The following CLASP1 variants were observed in gnomAD, a reference collection of about 807,000 sequenced individuals.
CLASP1 encodes the protein cytoplasmic linker associated protein 1, also known as CLIP-associating protein 1.
CLASP1 carries 38 observed loss-of-function variants against 192.3 expected under a neutral mutation model. That is an observed-to-expected ratio of 0.20 (90% CI 0.15 to 0.26). CLASP1 has a LOEUF of 0.26. CLASP1 is among the 10% of genes least tolerant of loss of function. The probability of loss-of-function intolerance (pLI) is 1.00; values close to 1 mark genes in which losing one functional copy is unlikely to be tolerated. For synonymous variants in CLASP1, 691 were observed against 712.8 expected (o/e 0.97, Z 0.49); for missense variants, 1,433 against 1,932.5 (o/e 0.74, Z 4.85).
intron 2 of CLASP1, among the ~76,000 whole-genome samples, chr2:121,604,714 A>G (rs1331142059): frequency 2.0e-5 from 3 of 152,230 alleles, no homozygotes; most frequent in Non-Finnish European, 4.4e-5. Context: ...ATATCCAGTG[A>G]TAAGTGAAAT....
intron 25 of CLASP1, among the ~76,000 whole-genome samples, chr2:121,405,279 A>C (rs1055119305): frequency 3.9e-5 from 6 of 152,264 alleles, no homozygotes; most frequent in African/African-American, 1.2e-4. Flanking sequence ...ATTGCACTTC[A>C]GCCTGGGCAA....
chr2:121,415,432 A>C (rs948348116), intron 23 of CLASP1, among the ~76,000 whole-genome samples: 2 of 152,240 alleles, frequency 1.3e-5, no homozygotes, highest in African/African-American at 2.4e-5. Flanking sequence ...TCAAATTTAC[A>C]ATCTGACATT....
chr2:121,547,844 C>T (rs188515602), intron 2 of CLASP1, among the ~76,000 whole-genome samples: 12 of 152,276 alleles, frequency 7.9e-5, no homozygotes, highest in African/African-American at 2.6e-4. Context: ...GTACCACCCT[C>T]TGAAACCAAA....
rs552390074 is a variant in CLASP1 at position 121,615,197 on chromosome 2, G to A, written c.-285-9017C>T. Among the ~76,000 whole-genome samples, 6 of 152,182 alleles carry A rather than the reference G, an allele frequency of 3.9e-5. No individual in the cohort carries two copies. The South Asian group carries it at 6.2e-4, about 16-fold the overall frequency. On this transcript the variant is annotated intron_variant, in intron 1 of 39. Coordinates refer to ENST00000263710, the Ensembl canonical transcript of CLASP1. ...TCTACTAAAAATACAAAAATTAGCCGGGCATAGGGCGCACGCCTGTAATCC... is the reference window on the plus strand; with the variant it reads ...TCTACTAAAAATACAAAAATTAGCCAGGCATAGGGCGCACGCCTGTAATCC...
At chr2:121,402,747 T>C (rs887709761) in intron 26 of CLASP1, 3 of 467,758 alleles carry the variant, frequency 6.4e-6, no homozygotes, top group Admixed American at 2.3e-5. Context: ...AATCTAATTA[T>C]GCTTATGAGT....
At position 121,461,228 on chromosome 2, in the gene CLASP1, A is replaced by C. The variant is rs1468531955; in HGVS notation, c.940-35T>G. Reference sequence around the variant, plus strand: ...AAATTAATTTACAATCAATATAAAAACATGCAGAATAAACAGATTATTTCT... The same window carrying C: ...AAATTAATTTACAATCAATATAAAACCATGCAGAATAAACAGATTATTTCT... On this transcript the variant is annotated intron_variant, in intron 10 of 39. Coordinates refer to ENST00000263710, the Ensembl canonical transcript of CLASP1. 2.6e-6 allele frequency: 3 copies of C among 1,163,130 alleles called. No homozygotes were observed. The African/African-American group carries it at 4.6e-5, about 18-fold the overall frequency. 72.1% of individuals were successfully genotyped at this position (1,163,130 alleles called of 1,614,324 possible).
At chr2:121,518,764 G>A (rs1435573972) in intron 6 of CLASP1, among the ~76,000 whole-genome samples, 2 of 152,070 alleles carry the variant, frequency 1.3e-5, no homozygotes, top group Non-Finnish European at 2.9e-5. Flanking sequence ...GTTAGTCCCA[G>A]CTACTTGGGA....
intron 26 of CLASP1, chr2:121,403,411 G>T: frequency 2.2e-6 from 1 of 456,658 alleles, no homozygotes; most frequent in Non-Finnish European, 4.4e-6. Flanking sequence ...CAATTCCTAC[G>T]AGGAAGCAAG....
At chr2:121,459,945 T>C (rs768161374) in intron 12 of CLASP1, 35 bp downstream of exon 12, 45 of 1,580,710 alleles carry the variant, frequency 2.8e-5, no homozygotes, top group Middle Eastern at 1.7e-4. Flanking sequence ...GTGACACTAT[T>C]TTATGGTGAG....
intron 37 of CLASP1, among the ~76,000 whole-genome samples, chr2:121,358,879 A>G (rs969983510): frequency 6.6e-6 from 1 of 152,250 alleles, no homozygotes; most frequent in Non-Finnish European, 1.5e-5. Flanking sequence ...ATGTTTGGTG[A>G]TCCAGCACAG....
At chr2:121,554,493 G>A (rs116777803) in intron 2 of CLASP1, among the ~76,000 whole-genome samples, 5,011 of 151,270 alleles carry the variant, frequency 0.033, 111 homozygotes, top group African/African-American at 0.06. Flanking sequence ...AGCCAGGAGC[G>A]GTGGCACTTG....
At chr2:121,594,875 C>T (rs1194181921) in intron 2 of CLASP1, among the ~76,000 whole-genome samples, 1 of 152,130 alleles carries the variant, frequency 6.6e-6, no homozygotes, top group Admixed American at 6.5e-5. Context: ...AGAGTTAACA[C>T]TGGGGTCCAG....
At chr2:121,409,871 G>A (rs2077449330) in intron 24 of CLASP1, among the ~76,000 whole-genome samples, 1 of 152,144 alleles carries the variant, frequency 6.6e-6, no homozygotes, top group African/African-American at 2.4e-5. Flanking sequence ...GAATACAGGT[G>A]GCCAGGCAGC....
intron 25 of CLASP1, among the ~76,000 whole-genome samples, chr2:121,406,563 G>A (rs781462395): frequency 2.6e-5 from 4 of 152,076 alleles, no homozygotes; most frequent in African/African-American, 4.8e-5. Flanking sequence ...AAACAGAAGG[G>A]AACCAAATAT....
chr2:121,374,870 C>A (rs2069633755), intron 34 of CLASP1, among the ~76,000 whole-genome samples: 2 of 152,172 alleles, frequency 1.3e-5, no homozygotes, highest in Admixed American at 1.3e-4. Context: ...TTTACAGGCT[C>A]ATAGGCGGAA....
exon 4 of CLASP1, chr2:121,528,750 T>G: frequency 6.2e-7 from 1 of 1,613,996 alleles, no homozygotes; most frequent in Non-Finnish European, 8.5e-7. Context: ...GTCTTTAGCA[T>G]CTCCTAGTCT....
chr2:121,345,020 G>A (rs532530890), intron 39 of CLASP1, among the ~76,000 whole-genome samples: 10 of 152,286 alleles, frequency 6.6e-5, no homozygotes, highest in Admixed American at 4.6e-4. Flanking sequence ...TTAACCAGGC[G>A]TGGTGGCGCA....
chr2:121,595,842 C>T (rs1030753189), intron 2 of CLASP1, among the ~76,000 whole-genome samples: 2 of 152,196 alleles, frequency 1.3e-5, no homozygotes, highest in Admixed American at 1.3e-4. Context: ...TATTTGGTCC[C>T]ATAATATACA....
At chr2:121,346,965 T>A (rs1322546154) in intron 39 of CLASP1, 73 bp downstream of exon 40, 4 of 879,142 alleles carry the variant, frequency 4.5e-6, no homozygotes, top group African/African-American at 1.7e-5. Flanking sequence ...AATCCAGAGC[T>A]GCAGTCAAAT....
Sources: allele counts gnomAD v4.1 joint callset (sites outside exome capture counted in the v4.1 genomes callset), GRCh38; gene constraint gnomAD v4.1.1; transcripts MANE v1.5; gene names NCBI Gene and HGNC (gene_info 2026-07-23, HGNC 2026-07-21).